The following ATP10A variants were observed in gnomAD, a reference collection of about 807,000 sequenced individuals.
The protein encoded by ATP10A is phospholipid-transporting ATPase VA.
In ATP10A, 111 loss-of-function variants were observed where a neutral mutation model predicts 147.8. The observed-to-expected ratio is 0.75, with a 90% CI of 0.64 to 0.88. The LOEUF (loss-of-function observed/expected upper bound fraction) is 0.88, where lower values mean the gene tolerates loss of function less well. Among genes scored for constraint, ATP10A ranks in the 40% least tolerant of loss-of-function variants. ATP10A has a pLI of 0.00. For missense variants in ATP10A, 1,927 were observed against 1,959.0 expected, an observed-to-expected ratio of 0.98 and a Z score of 0.31; for synonymous variants, 875 against 841.6, an observed-to-expected ratio of 1.04 and a Z score of -0.69.
At chr15:25,851,898 TA>T (rs1893315229) in intron 1 of ATP10A, among the ~76,000 whole-genome samples, 2 of 152,314 alleles carry the variant, frequency 1.3e-5, no homozygotes, top group South Asian at 4.2e-4. Context: ...ACCTCATCTC[TA>T]AAAATAAAAC....
At chr15:25,856,852 T>G (rs1893539743) in intron 1 of ATP10A, among the ~76,000 whole-genome samples, 1 of 151,808 alleles carries the variant, frequency 6.6e-6, no homozygotes, top group African/African-American at 2.4e-5. Flanking sequence ...CCACAGGAAT[T>G]ACAATAGAAA....
chr15:25,728,580 G>A (rs1567338169), intron 3 of ATP10A, among the ~76,000 whole-genome samples: 2 of 152,182 alleles, frequency 1.3e-5, no homozygotes, highest in Non-Finnish European at 2.9e-5. Context: ...CCCCTATCAC[G>A]TGTCTCCCGT....
At chr15:25,718,958 T>A (rs933401196) in intron 7 of ATP10A, among the ~76,000 whole-genome samples, 5 of 152,188 alleles carry the variant, frequency 3.3e-5, no homozygotes, top group Non-Finnish European at 7.4e-5. Context: ...CCATCCAAGA[T>A]GATCTTGACT....
At chr15:25,844,557 T>C (rs965181063) in intron 1 of ATP10A, among the ~76,000 whole-genome samples, 5 of 152,238 alleles carry the variant, frequency 3.3e-5, no homozygotes, top group Non-Finnish European at 7.4e-5. Flanking sequence ...TCCATTTTCC[T>C]GTGAGCTTTT....
chr15:25,723,728 C>T (rs1156881278), intron 6 of ATP10A, among the ~76,000 whole-genome samples, 163 bp downstream of exon 6: 2 of 151,866 alleles, frequency 1.3e-5, no homozygotes, highest in Admixed American at 6.6e-5. Flanking sequence ...AGGAAAGATC[C>T]CATTGGTGAT....
intron 1 of ATP10A, among the ~76,000 whole-genome samples, chr15:25,828,435 T>C (rs1457063948): frequency 6.6e-6 from 1 of 152,186 alleles, no homozygotes; most frequent in Non-Finnish European, 1.5e-5. Flanking sequence ...ATCGATACCA[T>C]ACTAAGTAGG....
chr15:25,734,366 G>A (rs1462901119), intron 3 of ATP10A, among the ~76,000 whole-genome samples: 2 of 152,180 alleles, frequency 1.3e-5, no homozygotes, highest in African/African-American at 2.4e-5. Context: ...TTTTTTGGTG[G>A]AGTTGGCACC....
At chr15:25,789,886 C>T (rs985601517) in intron 1 of ATP10A, among the ~76,000 whole-genome samples, 2 of 152,172 alleles carry the variant, frequency 1.3e-5, no homozygotes, top group Non-Finnish European at 2.9e-5. Flanking sequence ...CAACCTAAAA[C>T]AGCTCCAAAC....
chr15:25,860,387 CAT>C (rs1893708611), intron 1 of ATP10A, among the ~76,000 whole-genome samples: 1 of 152,220 alleles, frequency 6.6e-6, no homozygotes, highest in Admixed American at 6.5e-5. Flanking sequence ...ACCTGGTAGA[CAT>C]GCCCTATGGT....
chr15:25,841,376 G>A (rs909034141), intron 1 of ATP10A: 4 of 151,154 alleles, frequency 2.6e-5, no homozygotes, highest in African/African-American at 7.3e-5. Context: ...AAACTAATTG[G>A]GCATATCTGT....
chr15:25,760,391 T>C (rs925433473), intron 2 of ATP10A, among the ~76,000 whole-genome samples: 1 of 152,222 alleles, frequency 6.6e-6, no homozygotes, highest in African/African-American at 2.4e-5. Context: ...TCAGTCATAA[T>C]TATGGTTCAC....
At chr15:25,761,382 T>TC (rs1393740340) in intron 2 of ATP10A, among the ~76,000 whole-genome samples, 1 of 152,066 alleles carries the variant, frequency 6.6e-6, no homozygotes, top group African/African-American at 2.4e-5. Context: ...TACCACAGAG[T>TC]CCCCACAGGG....
chr15:25,761,762 G>T (rs1018617048), intron 2 of ATP10A, among the ~76,000 whole-genome samples: 1 of 152,216 alleles, frequency 6.6e-6, no homozygotes, highest in Admixed American at 6.5e-5. Context: ...TTCCCCCATT[G>T]TATCTAGGAG....
chr15:25,814,780 G>T (rs114583460), intron 1 of ATP10A, among the ~76,000 whole-genome samples: 1 of 152,218 alleles, frequency 6.6e-6, no homozygotes, highest in Non-Finnish European at 1.5e-5. Flanking sequence ...GTCATTTGGC[G>T]TATAAAAAGT....
intron 2 of ATP10A, among the ~76,000 whole-genome samples, chr15:25,739,008 A>G (rs12438533): frequency 0.82 from 124,368 of 152,214 alleles, 51,234 homozygotes; most frequent in Admixed American, 0.89. Flanking sequence ...AAAAGATTGT[A>G]CAAGTAAGCC....
At chr15:25,778,901 G>T (rs1352778221) in intron 2 of ATP10A, among the ~76,000 whole-genome samples, 1 of 152,060 alleles carries the variant, frequency 6.6e-6, no homozygotes, top group Non-Finnish European at 1.5e-5. Context: ...TTTTGAGATG[G>T]AGTCTCGCTC....
rs1213618365 is a variant in ATP10A at position 25,862,772 on chromosome 15, C to G, written c.325G>C (p.Gly109Arg). 1.2e-6 allele frequency: 2 copies of G among 1,611,080 alleles called. No individual in the cohort carries two copies. The highest frequency in any genetic ancestry group is 1.3e-5 in the African/African-American group (1 of 74,854). Residue 109 changes from glycine (G) to arginine (R), a missense_variant, in exon 1 of 21, where the codon GGC becomes CGC. Coordinates refer to ENST00000555815, the MANE Select transcript of ATP10A (RefSeq NM_024490.4). ...AAGAGCACCGGCGCCAGTGCCAGGC[C>G]GGGCTGGAAGGCGTTCACCGCCGGC... ...FVPAVNAFQPGLALAPVLFIL... is the reference protein window; with the variant it reads ...FVPAVNAFQPRLALAPVLFIL...
chr15:25,789,253 G>A (rs1890303601), intron 1 of ATP10A, among the ~76,000 whole-genome samples: 1 of 152,114 alleles, frequency 6.6e-6, no homozygotes. Context: ...GAGCCCCCAT[G>A]CCTGGCCAGA....
intron 15 of ATP10A, among the ~76,000 whole-genome samples, 156 bp downstream of exon 15, chr15:25,691,554 CTAGTG>C (rs1223302351): frequency 1.4e-4 from 21 of 152,224 alleles, no homozygotes; most frequent in Non-Finnish European, 1.0e-4. Flanking sequence ...TTACCTTCCA[CTAGTG>C]GCTTAGCAGC....
Sources: gnomAD v4.1 joint callset for allele counts (sites outside exome capture counted in the v4.1 genomes callset) on GRCh38, gnomAD v4.1.1 for gene constraint, MANE v1.5 for transcripts, NCBI Gene and HGNC (gene_info 2026-07-23, HGNC 2026-07-21) for gene names.